Variants in ARHGEF1 observed in about 807,000 individuals in gnomAD.
ARHGEF1 encodes Rho guanine nucleotide exchange factor 1, also known as 115 kDa guanine nucleotide exchange factor.
In ARHGEF1, 40 loss-of-function variants were observed where a neutral mutation model predicts 119.7. The observed-to-expected ratio is 0.33, with a 90% CI of 0.26 to 0.44. The LOEUF (loss-of-function observed/expected upper bound fraction) is 0.44, where lower values mean the gene tolerates loss of function less well. Ranked by LOEUF, ARHGEF1 falls within the 20% of genes least tolerant of loss-of-function variation. The pLI, the probability that ARHGEF1 is intolerant of heterozygous loss-of-function variation, is 1.00. For missense variants in ARHGEF1, 976 were observed against 1,268.3 expected (o/e 0.77, Z 3.50); for synonymous variants, 494 against 521.0 (o/e 0.95, Z 0.71).
intron 18 of ARHGEF1, among the ~76,000 whole-genome samples, chr19:41,914,804 C>T (rs1162507523): frequency 1.9e-4 from 6 of 31,710 alleles, no homozygotes; most frequent in South Asian, 1.1e-3. Flanking sequence ...TCTGTCTCTC[C>T]CTCCCCCTCC....
chr19:41,885,619 G>A (rs1555845137), intron 1 of ARHGEF1, among the ~76,000 whole-genome samples: 2 of 151,528 alleles, frequency 1.3e-5, no homozygotes, highest in African/African-American at 2.4e-5. Context: ...GTGCCACCAC[G>A]CCCAGCTAAT....
chr19:41,929,231 T>G (rs1031507578), intron 2 of ARHGEF1, among the ~76,000 whole-genome samples: 2 of 151,298 alleles, frequency 1.3e-5, no homozygotes, highest in African/African-American at 2.4e-5. Flanking sequence ...ACCCACAAAC[T>G]GGACACAAAG....
At chr19:41,921,973 C>T (rs970840730), upstream of ARHGEF1, among the ~76,000 whole-genome samples, 7 of 151,884 alleles carry the variant, frequency 4.6e-5, no homozygotes, top group Admixed American at 3.9e-4. This position sits in a 1 kb window ranked among gnomAD's most constrained non-coding sequence, Gnocchi z 4.4. Flanking sequence ...ACTCCCACCC[C>T]TTCCCCACCC....
At chr19:41,887,059 C>T (rs539306975) in intron 1 of ARHGEF1, among the ~76,000 whole-genome samples, 24 of 152,238 alleles carry the variant, frequency 1.6e-4, no homozygotes, top group African/African-American at 5.8e-4. Flanking sequence ...AGAGACAGCA[C>T]ATGAGACTGT....
At position 41,888,899 on chromosome 19, in the gene ARHGEF1, T is replaced by C. The variant is rs781925231; in HGVS notation, c.225+34T>C. 8 of 1,566,676 alleles carry C rather than the reference T, an allele frequency of 5.1e-6. No homozygotes were observed. In the East Asian group the frequency reaches 1.8e-4, roughly 36 times the overall value. The stretch of plus-strand genomic sequence containing the variant: ...AGGGCTGGGTGGGCACAGGGAGGGG[T>C]GGGGCTGGGACAGGCACAGCTTTTA... On this transcript the variant is annotated intron_variant, in intron 4 of 28. Transcript: ENST00000354532. This position sits in a 1 kb window ranked among gnomAD's most constrained non-coding sequence, Gnocchi z 5.1.
chr19:41,929,196 C>G (rs1021516511), intron 2 of ARHGEF1, among the ~76,000 whole-genome samples: 3 of 151,974 alleles, frequency 2.0e-5, no homozygotes, highest in Non-Finnish European at 2.9e-5. Flanking sequence ...CCTTCCCCAA[C>G]CCACAGCCAC....
chr19:41,894,125 TGTGTGTGTGA>T (rs1409233873), intron 8 of ARHGEF1, 72 bp from the exon 9 acceptor site: 2 of 841,392 alleles, frequency 2.4e-6, no homozygotes, highest in Non-Finnish European at 3.2e-6. Context: ...AGAGAGAGAG[TGTGTGTGTGA>T]GTGTGTGTGT....
intron 18 of ARHGEF1, among the ~76,000 whole-genome samples, chr19:41,914,414 C>T (rs2145888877): frequency 6.6e-6 from 1 of 151,832 alleles, no homozygotes; most frequent in South Asian, 2.1e-4. Context: ...TCTCCATCTC[C>T]TCCTCCACCC....
At chr19:41,920,837 T>C (rs1343999232), upstream of ARHGEF1, among the ~76,000 whole-genome samples, 1 of 152,024 alleles carries the variant, frequency 6.6e-6, no homozygotes, top group African/African-American at 2.4e-5. Flanking sequence ...GCTTGAGAGG[T>C]GGGGAGGCTC....
intron 1 of ARHGEF1, among the ~76,000 whole-genome samples, chr19:41,887,451 G>C (rs1555845391): frequency 1.3e-5 from 2 of 152,070 alleles, no homozygotes; most frequent in African/African-American, 4.8e-5. Context: ...TGAGGTCCCT[G>C]GGGGAAAGAA....
intron 14 of ARHGEF1, 129 bp from the exon 15 acceptor site, chr19:41,901,758 G>A: frequency 8.6e-7 from 1 of 1,162,824 alleles, no homozygotes; most frequent in African/African-American, 1.5e-5. Context: ...TAGCCAGAGA[G>A]AGTTTTTTCC....
At chr19:41,926,424 T>C (rs2074870712) in intron 1 of ARHGEF1, among the ~76,000 whole-genome samples, 1 of 152,120 alleles carries the variant, frequency 6.6e-6, no homozygotes, top group Non-Finnish European at 1.5e-5. Context: ...AACATGGATG[T>C]GACAGGTGCA....
intron 13 of ARHGEF1, 195 bp downstream of exon 13, chr19:41,896,677 C>T: frequency 1.4e-6 from 1 of 700,546 alleles, no homozygotes; most frequent in Non-Finnish European, 2.6e-6. Context: ...CCTCATTGCC[C>T]CCCTTTCCTT....
At chr19:41,886,863 C>T (rs782135274) in intron 1 of ARHGEF1, among the ~76,000 whole-genome samples, 2 of 152,144 alleles carry the variant, frequency 1.3e-5, no homozygotes, top group Non-Finnish European at 2.9e-5. Context: ...GGAGCCCCGC[C>T]GCTGGTCCAC....
rs1213223320 is a variant in ARHGEF1, at chr19:41,904,023, C to CT, written c.1918-11dup. 6.2e-7 allele frequency: 1 copy of CT among 1,613,808 alleles called. No individual in the cohort carries two copies. Among genetic ancestry groups the CT allele is most frequent in the Admixed American group, 1.7e-5 (1 of 59,996 alleles). ...GCCAACCTGCACAAACCATCACCCC[C>CT]TCCTGCCCCAGAACCTGGACATCAC... On this transcript the variant is annotated splice_polypyrimidine_tract_variant and intron_variant, in intron 20 of 28. Transcript: ENST00000354532. This position sits in a 1 kb window ranked among gnomAD's most constrained non-coding sequence, Gnocchi z 8.4.
At chr19:41,885,609 G>C (rs549640875) in intron 1 of ARHGEF1, among the ~76,000 whole-genome samples, 1 of 151,966 alleles carries the variant, frequency 6.6e-6, no homozygotes, top group Admixed American at 6.6e-5. Context: ...CTACAGGCTC[G>C]TGCCACCACG....
chr19:41,892,499 G>C lies in ARHGEF1; in HGVS notation c.368-104G>C. The stretch of plus-strand genomic sequence containing the variant: ...GCCGAGATTCATTCATTCCTTCTTG[G>C]CAGCGGCCTCAGGACGTGTGGCTGT... On this transcript the variant is annotated intron_variant, in intron 6 of 28. Transcript: ENST00000354532. This position sits in a 1 kb window ranked among gnomAD's most constrained non-coding sequence, Gnocchi z 6.3. 3 of 1,583,668 alleles carry C rather than the reference G, an allele frequency of 1.9e-6. No individual in the cohort carries two copies. The highest frequency in any genetic ancestry group is 2.6e-6 in the Non-Finnish European group (3 of 1,159,768).
At chr19:41,920,906 CCTCT>C (rs1373344603), upstream of ARHGEF1, among the ~76,000 whole-genome samples, 123 of 152,340 alleles carry the variant, frequency 8.1e-4, no homozygotes, top group African/African-American at 2.8e-3. Context: ...CACCCCCCTC[CCTCT>C]GTCTCTCCCT....
chr19:41,892,793 C>CGAGGCCCGGGAGCGG lies in ARHGEF1; in HGVS notation c.559_573dup (p.Glu187_Arg191dup). 1 of 1,598,088 alleles carries CGAGGCCCGGGAGCGG rather than the reference C, an allele frequency of 6.3e-7. No individual in the cohort carries two copies. The highest frequency in any genetic ancestry group is 8.5e-7 in the Non-Finnish European group (1 of 1,174,838). On this transcript the variant is annotated inframe_insertion, in exon 7 of 29. Transcript: ENST00000354532. This position sits in a 1 kb window ranked among gnomAD's most constrained non-coding sequence, Gnocchi z 6.3. ...GGGTTGGGCGGGACCGAGCCAGCTA[C>CGAGGCCCGGGAGCGG]GAGGCCCGGGAGCGGCACGTGGCGG...
Sources: allele counts gnomAD v4.1 joint callset (sites outside exome capture counted in the v4.1 genomes callset), GRCh38; gene constraint gnomAD v4.1.1; non-coding constraint Gnocchi (gnomAD v3.1); transcripts MANE v1.5; gene names NCBI Gene and HGNC (gene_info 2026-07-23, HGNC 2026-07-21).